Variants in KIF16B observed in about 807,000 individuals in gnomAD.
The protein encoded by KIF16B is kinesin-like protein KIF16B.
In KIF16B, 98 loss-of-function variants were observed where a neutral mutation model predicts 156.3. That is an observed-to-expected ratio of 0.63 (90% CI 0.53 to 0.74). KIF16B has a LOEUF of 0.74. Ranked by LOEUF, KIF16B falls within the 30% of genes least tolerant of loss-of-function variation. KIF16B has a pLI of 0.00. For missense variants in KIF16B, 1,421 were observed against 1,606.5 expected (o/e 0.88, Z 1.97); for synonymous variants, 564 against 583.7 (o/e 0.97, Z 0.49).
At chr20:16,431,910 G>GTA (rs2066511250) in intron 12 of KIF16B, among the ~76,000 whole-genome samples, 2 of 56,294 alleles carry the variant, frequency 3.6e-5, no homozygotes, top group South Asian at 6.2e-4. Flanking sequence ...ATATGTATAC[G>GTA]TATACACACA....
intron 15 of KIF16B, among the ~76,000 whole-genome samples, chr20:16,425,040 G>A (rs571878887): frequency 7.1e-4 from 108 of 152,188 alleles, no homozygotes; most frequent in African/African-American, 8.9e-4. Context: ...ACACACACAC[G>A]TTTTCCTAGC....
At position 16,427,229 on chromosome 20, in the gene KIF16B, A is replaced by G. The variant is rs375992731; in HGVS notation, c.1487T>C (p.Leu496Pro). ...STEQDIVLHG[L>P]DLESEHCIFE... ...GATGCAATGCTCACTCTCCAAGTCA[A>G]GGCCATGAAGAACTAAAGTGGAAAA... The change falls in exon 15 of 26, where the codon CTT (leucine) becomes CCT (proline). Residue 496 changes from leucine to proline, a missense_variant. Leu to Pro is a moderately conservative substitution (Grantham distance 98). Transcript: ENST00000354981. The G allele has an allele frequency of 2.9e-5, 46 of 1,609,636 alleles. No individual in the cohort carries two copies. The highest frequency in any genetic ancestry group is 3.7e-5 in the Non-Finnish European group (44 of 1,178,396).
At chr20:16,572,092 G>C (rs775215645) in intron 1 of KIF16B, among the ~76,000 whole-genome samples, 5 of 152,064 alleles carry the variant, frequency 3.3e-5, no homozygotes, top group African/African-American at 7.2e-5. Context: ...TATTCCCTTA[G>C]AGCAAAAAAG....
chr20:16,464,866 G>C (rs551604966), intron 12 of KIF16B, among the ~76,000 whole-genome samples: 1 of 152,178 alleles, frequency 6.6e-6, no homozygotes, highest in Non-Finnish European at 1.5e-5. Flanking sequence ...CCAAGGGTTA[G>C]AGATTAATTC....
chr20:16,539,065 C>CT (rs2070092714), intron 1 of KIF16B, among the ~76,000 whole-genome samples: 1 of 151,998 alleles, frequency 6.6e-6, no homozygotes, highest in Admixed American at 6.6e-5. Flanking sequence ...CCAATTTAAC[C>CT]TCTTGTCTTA....
chr20:16,487,652 G>A (rs1555196), intron 12 of KIF16B, among the ~76,000 whole-genome samples: 18,521 of 152,106 alleles, frequency 0.12, 1,802 homozygotes, highest in African/African-American at 0.28. Flanking sequence ...ATCTTAAGCC[G>A]GAAAAGAATC....
chr20:16,515,698 T>G, intron 3 of KIF16B, 34 bp from the exon 4 acceptor site: 1 of 1,183,866 alleles, frequency 8.4e-7, no homozygotes, highest in Non-Finnish European at 1.3e-6. Context: ...AAAGATACAA[T>G]TATCATAGAT....
At chr20:16,479,363 G>T (rs193191306) in intron 12 of KIF16B, among the ~76,000 whole-genome samples, 39 of 152,184 alleles carry the variant, frequency 2.6e-4, no homozygotes, top group African/African-American at 9.2e-4. Flanking sequence ...TGGAGGCGGC[G>T]GATGGGGCAG....
intron 25 of KIF16B, among the ~76,000 whole-genome samples, chr20:16,293,621 A>G (rs1212284931): frequency 2.0e-5 from 3 of 152,214 alleles, no homozygotes; most frequent in South Asian, 2.1e-4. Flanking sequence ...TTCAAGGGAG[A>G]GCCAAGGATG....
At chr20:16,405,043 G>C (rs1202973535) in intron 16 of KIF16B, 142 bp from the exon 17 acceptor site, 1 of 636,270 alleles carries the variant, frequency 1.6e-6, no homozygotes, top group Non-Finnish European at 2.8e-6. Context: ...TGGTCTATCT[G>C]AGGAAAGCAG....
intron 19 of KIF16B, among the ~76,000 whole-genome samples, chr20:16,376,405 G>C (rs532565455): frequency 6.6e-6 from 1 of 152,210 alleles, no homozygotes; most frequent in Admixed American, 6.5e-5. Flanking sequence ...CTGTTGTCCA[G>C]TCTGGTCCCA....
chr20:16,510,407 A>G (rs1037849351), intron 6 of KIF16B, among the ~76,000 whole-genome samples: 6 of 152,128 alleles, frequency 3.9e-5, no homozygotes, highest in Non-Finnish European at 8.8e-5. Context: ...ATCCCAGCAC[A>G]TTGGGAAGCC....
intron 25 of KIF16B, among the ~76,000 whole-genome samples, chr20:16,300,412 C>G (rs1222901919): frequency 6.6e-6 from 1 of 152,122 alleles, no homozygotes; most frequent in Non-Finnish European, 1.5e-5. Context: ...AAATTATACT[C>G]TCAAGAAAAA....
At chr20:16,341,448 G>A (rs1190943000) in intron 23 of KIF16B, among the ~76,000 whole-genome samples, 1 of 152,142 alleles carries the variant, frequency 6.6e-6, no homozygotes, top group Non-Finnish European at 1.5e-5. Flanking sequence ...ATGACAGAGA[G>A]GGGACTCTCT....
At chr20:16,502,315 T>C (rs2068649289) in intron 10 of KIF16B, among the ~76,000 whole-genome samples, 1 of 152,190 alleles carries the variant, frequency 6.6e-6, no homozygotes, top group South Asian at 2.1e-4. Flanking sequence ...GAAAAATGTA[T>C]ACAGAGATGT....
chr20:16,283,919 C>T (rs1453590920), intron 25 of KIF16B, among the ~76,000 whole-genome samples: 1 of 152,194 alleles, frequency 6.6e-6, no homozygotes, highest in East Asian at 1.9e-4. Flanking sequence ...TGCTGACTCT[C>T]AGCAAGGGGC....
intron 25 of KIF16B, among the ~76,000 whole-genome samples, chr20:16,278,755 G>A (rs1272412832): frequency 6.6e-6 from 1 of 152,178 alleles, no homozygotes; most frequent in Non-Finnish European, 1.5e-5. Context: ...GGGATGTGGT[G>A]ATATGAGAGA....
intron 3 of KIF16B, among the ~76,000 whole-genome samples, chr20:16,520,176 AGAACCGTTCATTCCCCTG>A (rs2069292041): frequency 6.6e-6 from 1 of 151,478 alleles, no homozygotes; most frequent in Non-Finnish European, 1.5e-5. Flanking sequence ...CCAATGAGAC[AGAACCGTTCATTCCCCTG>A]GAAAGGAAGC....
Position 16,405,019 on chromosome 20 carries a change from G to A in KIF16B, c.1696-118C>T, listed in dbSNP as rs116523817. ...AGGTGCACATGCTCCTAATTAACAC[G>A]CACCACAATTAACTGGTCTATCTGA... On this transcript the variant is annotated intron_variant, in intron 16 of 25. Transcript: ENST00000354981. 514 of 691,112 alleles carry A rather than the reference G, an allele frequency of 7.4e-4. 3 individuals are homozygous for A. The highest frequency in any genetic ancestry group is 5.3e-3 in the African/African-American group (299 of 56,646). 42.8% of individuals were successfully genotyped at this position (691,112 alleles called of 1,614,324 possible).
Sources: allele counts gnomAD v4.1 joint callset (sites outside exome capture counted in the v4.1 genomes callset), GRCh38; gene constraint gnomAD v4.1.1; transcripts MANE v1.5; gene names NCBI Gene and HGNC (gene_info 2026-07-23, HGNC 2026-07-21).